The following FAM169A variants were observed in gnomAD, a reference collection of about 807,000 sequenced individuals.
The protein encoded by FAM169A is family with sequence similarity 169 member A.
A neutral mutation model predicts 75.7 loss-of-function variants in FAM169A; 24 were observed. The observed-to-expected ratio is 0.32, with a 90% CI of 0.23 to 0.45. The LOEUF (loss-of-function observed/expected upper bound fraction) is 0.45. Among genes scored for constraint, FAM169A ranks in the 20% least tolerant of loss-of-function variants. The pLI is 1.00. For synonymous variants in FAM169A, 271 were observed against 271.0 expected, an observed-to-expected ratio of 1.00 and a Z score of 0.00; for missense variants, 673 against 784.0, an observed-to-expected ratio of 0.86 and a Z score of 1.69.
At chr5:74,858,602 G>A (rs933174825) in intron 1 of FAM169A, among the ~76,000 whole-genome samples, 5 of 152,140 alleles carry the variant, frequency 3.3e-5, no homozygotes, top group African/African-American at 9.7e-5. Flanking sequence ...GGTGGGAGGA[G>A]TGTAAGGGTC....
intron 1 of FAM169A, among the ~76,000 whole-genome samples, chr5:74,859,946 G>A (rs562133553): frequency 2.0e-4 from 30 of 152,204 alleles, no homozygotes; most frequent in African/African-American, 7.0e-4. Flanking sequence ...AAGAAGATGA[G>A]GATCACTGAA....
chr5:74,783,948 G>C (rs1745538541), intron 11 of FAM169A, among the ~76,000 whole-genome samples: 1 of 152,090 alleles, frequency 6.6e-6, no homozygotes, highest in Non-Finnish European at 1.5e-5. Context: ...TTCCAAAAGA[G>C]AAATCACGGT....
At chr5:74,831,335 C>T (rs1371660686) in intron 5 of FAM169A, among the ~76,000 whole-genome samples, 5 of 152,110 alleles carry the variant, frequency 3.3e-5, no homozygotes, top group Admixed American at 1.3e-4. Flanking sequence ...GACTAAATAG[C>T]GAAGTTTCTA....
chr5:74,854,510 T>C (rs1408282049), intron 1 of FAM169A, among the ~76,000 whole-genome samples: 2 of 152,222 alleles, frequency 1.3e-5, no homozygotes, highest in African/African-American at 4.8e-5. Flanking sequence ...CATTGTTGAC[T>C]ATCATCACAC....
At chr5:74,822,087 G>GT (rs764172650) in intron 5 of FAM169A, among the ~76,000 whole-genome samples, 43 of 152,294 alleles carry the variant, frequency 2.8e-4, no homozygotes, top group Non-Finnish European at 5.4e-4. Flanking sequence ...GCTGAGCACA[G>GT]TGTTATGCAT....
At chr5:74,866,428 C>T, upstream of FAM169A, 4 of 948,560 alleles carry the variant, frequency 4.2e-6, no homozygotes, top group Non-Finnish European at 5.0e-6. Context: ...GCTCCGCGCC[C>T]GCGCCCACCG....
At chr5:74,847,030 T>C (rs1749190176) in intron 1 of FAM169A, among the ~76,000 whole-genome samples, 1 of 152,150 alleles carries the variant, frequency 6.6e-6, no homozygotes, top group Non-Finnish European at 1.5e-5. Context: ...TTTTTCTGAG[T>C]GTCAAGTGCC....
At chr5:74,844,272 G>C (rs1482402510) in intron 1 of FAM169A, among the ~76,000 whole-genome samples, 1 of 151,866 alleles carries the variant, frequency 6.6e-6, no homozygotes, top group Non-Finnish European at 1.5e-5. Context: ...AGACCAGCCT[G>C]GGCCACACAG....
chr5:74,836,159 T>C (rs1011897636), intron 4 of FAM169A, among the ~76,000 whole-genome samples: 1 of 152,246 alleles, frequency 6.6e-6, no homozygotes, highest in Non-Finnish European at 1.5e-5. Context: ...AAAGTTTTTA[T>C]TAGCTTTTTT....
upstream of FAM169A, chr5:74,866,872 G>C (rs1750376454): frequency 1.0e-6 from 1 of 985,416 alleles, no homozygotes; most frequent in Non-Finnish European, 1.2e-6. Flanking sequence ...GAGGGCACGG[G>C]CGAGGACCGC....
intron 1 of FAM169A, among the ~76,000 whole-genome samples, chr5:74,851,190 A>T (rs1315390244): frequency 6.6e-6 from 1 of 152,228 alleles, no homozygotes; most frequent in Non-Finnish European, 1.5e-5. Flanking sequence ...GAGGGCCCCA[A>T]GGCAGGAAAC....
chr5:74,844,297 T>C (rs1353593915), intron 1 of FAM169A, among the ~76,000 whole-genome samples: 1 of 151,596 alleles, frequency 6.6e-6, no homozygotes, highest in African/African-American at 2.4e-5. Context: ...ACCTTGGCTC[T>C]ACAAAAATAT....
At position 74,814,497 on chromosome 5, in the gene FAM169A, C is replaced by T. The variant is rs538008064; in HGVS notation, c.491-478G>A. Among the ~76,000 whole-genome samples, 7 of 152,008 alleles carry T rather than the reference C, an allele frequency of 4.6e-5. No individual in the cohort carries two copies. In the South Asian group the frequency reaches 6.2e-4, roughly 14 times the overall value. ...TATTTTCCCTCTACATTTTTCCTAA[C>T]GAGTACCATTTCATTTTTATCTACT... is the stretch of plus-strand genomic sequence containing the variant. On this transcript the variant is annotated intron_variant, in intron 5 of 12. Coordinates refer to ENST00000687041, the MANE Select transcript of FAM169A (RefSeq NM_001376049.1).
At chr5:74,786,903 CTGA>C (rs1049859697) in intron 11 of FAM169A, among the ~76,000 whole-genome samples, 6 of 152,162 alleles carry the variant, frequency 3.9e-5, no homozygotes, top group African/African-American at 1.4e-4. Flanking sequence ...TGGGAGGACC[CTGA>C]TGATGCTGGG....
At chr5:74,839,500 C>T (rs914570399) in intron 3 of FAM169A, among the ~76,000 whole-genome samples, 12 of 151,382 alleles carry the variant, frequency 7.9e-5, no homozygotes, top group African/African-American at 2.4e-4. Context: ...CCCAGCCATG[C>T]GGAACTGTGA....
At chr5:74,792,449 G>C (rs1400394038) in intron 11 of FAM169A, among the ~76,000 whole-genome samples, 1 of 152,160 alleles carries the variant, frequency 6.6e-6, no homozygotes, top group Non-Finnish European at 1.5e-5. Context: ...TCTTTCTCCT[G>C]TGCTGGATGC....
intron 1 of FAM169A, among the ~76,000 whole-genome samples, chr5:74,850,752 A>T (rs558876312): frequency 1.3e-5 from 2 of 152,242 alleles, no homozygotes; most frequent in East Asian, 3.8e-4. Context: ...AACCAGTATG[A>T]CTTATACAAT....
chr5:74,814,315 C>A, intron 5 of FAM169A, among the ~76,000 whole-genome samples: 1 of 151,900 alleles, frequency 6.6e-6, no homozygotes. Context: ...TATATATATA[C>A]CATCACTGTC....
rs1745376098 is a variant in FAM169A at position 74,780,822 on chromosome 5, A to AT, written c.*637_*638insA. 6.6e-6 allele frequency: 1 copy of AT among 152,218 alleles called. No homozygotes were observed. Among genetic ancestry groups the AT allele is most frequent in the Non-Finnish European group, 1.5e-5 (1 of 68,034 alleles). The allele number at this position is 152,218 out of a possible 1,614,324, so 9.4% of individuals were successfully genotyped here. A position where few individuals can be genotyped will look rare whatever the true frequency, so the allele number is the denominator to read the frequency against. On this transcript the variant is annotated 3_prime_UTR_variant, in exon 13 of 13. Coordinates refer to ENST00000687041, the MANE Select transcript of FAM169A (RefSeq NM_001376049.1). Reference sequence around the variant, plus strand: ...TCAGATGATAGAATGAATCAGAAACAGATTTTATGTGTACCTTTCCATAGA... The same window carrying AT: ...TCAGATGATAGAATGAATCAGAAACATGATTTTATGTGTACCTTTCCATAGA...
Sources: allele counts gnomAD v4.1 joint callset (sites outside exome capture counted in the v4.1 genomes callset), GRCh38; gene constraint gnomAD v4.1.1; transcripts MANE v1.5; gene names NCBI Gene and HGNC (gene_info 2026-07-23, HGNC 2026-07-21).